LCLAT1: variants seen among roughly 807,000 people sequenced by gnomAD.
LCLAT1 encodes 1-AGP acyltransferase 8.
A neutral mutation model predicts 30.7 loss-of-function variants in LCLAT1; 11 were observed. That is an observed-to-expected ratio of 0.36 (90% CI 0.23 to 0.59). The LOEUF (loss-of-function observed/expected upper bound fraction) is 0.59, where lower values mean the gene tolerates loss of function less well. Ranked by LOEUF, LCLAT1 falls within the 20% of genes least tolerant of loss-of-function variation. LCLAT1 has a pLI of 0.77. For missense variants in LCLAT1, 402 were observed against 458.6 expected (o/e 0.88, Z 1.13); for synonymous variants, 155 against 151.3 (o/e 1.02, Z -0.18).
At chr2:30,581,570 A>G (rs910489779) in intron 5 of LCLAT1, among the ~76,000 whole-genome samples, 1 of 152,202 alleles carries the variant, frequency 6.6e-6, no homozygotes, top group Non-Finnish European at 1.5e-5. Flanking sequence ...ATGGCGTTCT[A>G]TTCAGCCATA....
chr2:30,601,702 C>T (rs1048195208), intron 5 of LCLAT1, among the ~76,000 whole-genome samples: 1 of 151,990 alleles, frequency 6.6e-6, no homozygotes, highest in African/African-American at 2.4e-5. Flanking sequence ...TTAATGAAAG[C>T]ACTTTTTTGG....
intron 5 of LCLAT1, among the ~76,000 whole-genome samples, chr2:30,577,738 A>G (rs1666056431): frequency 6.6e-6 from 1 of 152,042 alleles, no homozygotes; most frequent in African/African-American, 2.4e-5. Flanking sequence ...TTCCTTGGGG[A>G]AAAAATCACT....
chr2:30,623,499 G>T (rs1668366884), intron 5 of LCLAT1, among the ~76,000 whole-genome samples: 1 of 151,996 alleles, frequency 6.6e-6, no homozygotes, highest in Non-Finnish European at 1.5e-5. Flanking sequence ...AATCAAACAG[G>T]TAGAAGAAAG....
chr2:30,546,220 T>G (rs72858912), intron 3 of LCLAT1, among the ~76,000 whole-genome samples: 11 of 152,138 alleles, frequency 7.2e-5, no homozygotes, highest in Admixed American at 2.0e-4. Flanking sequence ...GTTCCTGTAG[T>G]GGGCTGCTTT....
chr2:30,453,844 A>C (rs1183657537), intron 1 of LCLAT1, among the ~76,000 whole-genome samples: 1 of 152,180 alleles, frequency 6.6e-6, no homozygotes, highest in Non-Finnish European at 1.5e-5. Context: ...GTTCTGTTCT[A>C]AGTGCTTTAA....
intron 1 of LCLAT1, among the ~76,000 whole-genome samples, chr2:30,475,107 T>C (rs891441118): frequency 1.3e-5 from 2 of 152,038 alleles, no homozygotes; most frequent in African/African-American, 4.8e-5. Context: ...AAGTGATTAT[T>C]CTGCCTCAGC....
chr2:30,504,323 T>G (rs1467761774), intron 1 of LCLAT1, among the ~76,000 whole-genome samples: 2 of 152,134 alleles, frequency 1.3e-5, no homozygotes, highest in African/African-American at 2.4e-5. Context: ...ATTATATTAA[T>G]AATTTTTCTG....
chr2:30,633,784 T>G (rs1668883342), intron 5 of LCLAT1, among the ~76,000 whole-genome samples: 1 of 152,236 alleles, frequency 6.6e-6, no homozygotes, highest in African/African-American at 2.4e-5. Context: ...ATGAGATCAC[T>G]GAGTTAAAAA....
At chr2:30,628,077 T>C (rs1404832531) in intron 5 of LCLAT1, among the ~76,000 whole-genome samples, 2 of 152,330 alleles carry the variant, frequency 1.3e-5, no homozygotes, top group Non-Finnish European at 2.9e-5. Context: ...GCTATATATA[T>C]ACAACAATAG....
At chr2:30,506,008 A>G (rs1367494399) in intron 1 of LCLAT1, among the ~76,000 whole-genome samples, 1 of 152,088 alleles carries the variant, frequency 6.6e-6, no homozygotes, top group Non-Finnish European at 1.5e-5. Context: ...TGTTTATTAA[A>G]TCCATTAACG....
intron 5 of LCLAT1, among the ~76,000 whole-genome samples, chr2:30,591,900 A>T (rs1435120170): frequency 2.0e-5 from 3 of 151,956 alleles, no homozygotes; most frequent in Non-Finnish European, 4.4e-5. Flanking sequence ...TACCATAGTT[A>T]GTCACTCCTT....
rs931523261 is a variant in LCLAT1, at chr2:30,642,700, A to AT, written c.*2087dup. ...TGAAACCTTTAGAGGGAAGATCCTC[A>AT]TTTTTTACAATTTTGTTCCTTTTCA... On this transcript the variant is annotated 3_prime_UTR_variant, in exon 6 of 6. Coordinates refer to ENST00000379509, the MANE Select transcript of LCLAT1 (RefSeq NM_001002257.3). The AT allele has an allele frequency of 6.6e-6, 1 of 150,836 alleles. No homozygotes were observed. The highest frequency in any genetic ancestry group is 1.5e-5 in the Non-Finnish European group (1 of 67,806). The allele number at this position is 150,836 out of a possible 1,614,324, so 9.3% of individuals were successfully genotyped here. A position where few individuals can be genotyped will look rare whatever the true frequency, so the allele number is the denominator to read the frequency against.
intron 1 of LCLAT1, among the ~76,000 whole-genome samples, chr2:30,503,976 G>T (rs1045246318): frequency 6.6e-6 from 1 of 152,072 alleles, no homozygotes; most frequent in Admixed American, 6.6e-5. Context: ...ACGCTTAGCC[G>T]GTCACAGGAG....
chr2:30,612,909 TAAAC>T (rs751918869), intron 5 of LCLAT1, among the ~76,000 whole-genome samples: 11 of 152,064 alleles, frequency 7.2e-5, no homozygotes, highest in African/African-American at 2.7e-4. Flanking sequence ...ATGAATAAAA[TAAAC>T]AAAAATTTAG....
chr2:30,503,574 G>T (rs1684501138), intron 1 of LCLAT1, among the ~76,000 whole-genome samples: 1 of 152,096 alleles, frequency 6.6e-6, no homozygotes, highest in African/African-American at 2.4e-5. Context: ...GGGTGTATGT[G>T]GTTTTAACTT....
chr2:30,525,169 A>G (rs530844633), intron 1 of LCLAT1, among the ~76,000 whole-genome samples: 1 of 151,884 alleles, frequency 6.6e-6, no homozygotes, highest in African/African-American at 2.4e-5. Flanking sequence ...CAGTGGTGCG[A>G]TCTTGGCTCA....
intron 5 of LCLAT1, among the ~76,000 whole-genome samples, chr2:30,631,325 T>C (rs1285836471): frequency 6.6e-6 from 1 of 152,190 alleles, no homozygotes; most frequent in Non-Finnish European, 1.5e-5. Flanking sequence ...TTGTCCCAAA[T>C]TGAGTAGTGA....
chr2:30,562,168 C>G lies in LCLAT1; in HGVS notation c.387C>G (p.Ala129=). The change falls in exon 4 of 6, where the codon GCC becomes GCG. Residue 129 remains alanine (A), a synonymous_variant. Coordinates refer to ENST00000379509, the MANE Select transcript of LCLAT1 (RefSeq NM_001002257.3). ...TAGGTTGGGCCATGCAGGCTGCTGCCTATATCTTCATTCATAGGAAATGGA... is the reference window on the plus strand; with the variant it reads ...TAGGTTGGGCCATGCAGGCTGCTGCGTATATCTTCATTCATAGGAAATGGA... ...PGFGWAMQAA[A]YIFIHRKWKD... 6.2e-7 allele frequency: 1 copy of G among 1,612,252 alleles called. No homozygotes were observed. The highest frequency in any genetic ancestry group is 8.5e-7 in the Non-Finnish European group (1 of 1,178,820).
intron 5 of LCLAT1, among the ~76,000 whole-genome samples, chr2:30,636,861 A>G (rs1463714340): frequency 6.6e-6 from 1 of 152,218 alleles, no homozygotes; most frequent in Non-Finnish European, 1.5e-5. Flanking sequence ...TAAGATTTTA[A>G]GATTGACTGT....
Sources: gnomAD v4.1 joint callset for allele counts (sites outside exome capture counted in the v4.1 genomes callset) on GRCh38, gnomAD v4.1.1 for gene constraint, MANE v1.5 for transcripts, NCBI Gene and HGNC (gene_info 2026-07-23, HGNC 2026-07-21) for gene names.